The following DPY19L4 variants were observed in gnomAD, a reference collection of about 807,000 sequenced individuals.
DPY19L4 encodes the protein dpy-19 like 4.
In DPY19L4, 97 loss-of-function variants were observed where a neutral mutation model predicts 102.8. The observed-to-expected ratio is 0.94, with a 90% CI of 0.80 to 1.12. The LOEUF is 1.12. DPY19L4 is among the 50% of genes most tolerant of loss of function. The pLI is 0.00. For missense variants in DPY19L4, 815 were observed against 850.4 expected (o/e 0.96, Z 0.52); for synonymous variants, 252 against 283.1 (o/e 0.89, Z 1.10).
Position 94,765,731 on chromosome 8 carries a change from T to C in DPY19L4, c.1023T>C (p.Ser341=), listed in dbSNP as rs763651061. 1.2e-6 allele frequency: 2 copies of C among 1,602,268 alleles called. No individual in the cohort carries two copies. The highest frequency in any genetic ancestry group is 4.5e-5 in the East Asian group (2 of 44,690). ...CACAGCTGAATGTGAAGAAAGGAAG[T>C]TTTGTAGCTAAAATAATAAAAGTGA... ...KCLQLNVKKG[S]FVAKIIKVIN... Residue 341 remains serine, a synonymous_variant, in exon 10 of 19, where the codon AGT becomes AGC. Coordinates refer to ENST00000414645, the MANE Select transcript of DPY19L4 (RefSeq NM_181787.3).
At chr8:94,731,161 A>G (rs1280072847) in intron 2 of DPY19L4, among the ~76,000 whole-genome samples, 1 of 151,898 alleles carries the variant, frequency 6.6e-6, no homozygotes, top group Non-Finnish European at 1.5e-5. Context: ...TTAATTTGTC[A>G]TTGTCTAAGC....
intron 6 of DPY19L4, 59 bp downstream of exon 6, chr8:94,739,849 TC>T: frequency 6.3e-7 from 1 of 1,576,658 alleles, no homozygotes; most frequent in Non-Finnish European, 8.6e-7. Flanking sequence ...TAGTCAGAGT[TC>T]TGAAAATGCC....
At chr8:94,742,081 G>A (rs552028070) in intron 6 of DPY19L4, among the ~76,000 whole-genome samples, 12 of 152,228 alleles carry the variant, frequency 7.9e-5, no homozygotes, top group African/African-American at 2.6e-4. Flanking sequence ...TTTTATGGCC[G>A]GGTGCGGTGG....
chr8:94,723,255 G>A (rs1810548000), intron 1 of DPY19L4, among the ~76,000 whole-genome samples: 1 of 152,150 alleles, frequency 6.6e-6, no homozygotes, highest in Non-Finnish European at 1.5e-5. Context: ...GGCAAATCAC[G>A]AGGTCAGGAG....
chr8:94,742,769 C>G (rs1442514983), intron 6 of DPY19L4, among the ~76,000 whole-genome samples: 2 of 151,810 alleles, frequency 1.3e-5, no homozygotes, highest in Non-Finnish European at 2.9e-5. Flanking sequence ...CCATATTGGC[C>G]AGGCTGGTCT....
chr8:94,758,531 C>G (rs567518337), intron 7 of DPY19L4, among the ~76,000 whole-genome samples: 6 of 152,246 alleles, frequency 3.9e-5, no homozygotes, highest in African/African-American at 1.4e-4. Flanking sequence ...CTTCCTGTAA[C>G]CCAAACCTCT....
intron 6 of DPY19L4, among the ~76,000 whole-genome samples, chr8:94,747,047 T>G (rs975520305): frequency 4.0e-5 from 6 of 151,052 alleles, no homozygotes; most frequent in Non-Finnish European, 8.9e-5. Context: ...AGAACATTGG[T>G]TTTTTTTTGT....
At chr8:94,760,463 G>T (rs1249221036) in intron 7 of DPY19L4, among the ~76,000 whole-genome samples, 1 of 152,194 alleles carries the variant, frequency 6.6e-6, no homozygotes, top group Non-Finnish European at 1.5e-5. Flanking sequence ...TGCAGTTGGT[G>T]TTATTTGCCC....
chr8:94,740,671 G>A (rs551854180), intron 6 of DPY19L4, among the ~76,000 whole-genome samples: 1 of 152,188 alleles, frequency 6.6e-6, no homozygotes, highest in Non-Finnish European at 1.5e-5. Context: ...TGGTCAGGAT[G>A]GTCTCAATCT....
intron 18 of DPY19L4, among the ~76,000 whole-genome samples, 161 bp downstream of exon 18, chr8:94,788,213 AG>A (rs1305480544): frequency 2.6e-5 from 4 of 151,734 alleles, no homozygotes; most frequent in Admixed American, 6.6e-5. Context: ...AGTAGTTTGG[AG>A]TATTTTTTCA....
chr8:94,766,238 G>A (rs1563603139), intron 10 of DPY19L4, among the ~76,000 whole-genome samples: 1 of 151,926 alleles, frequency 6.6e-6, no homozygotes, highest in Non-Finnish European at 1.5e-5. Context: ...AGCTGGGCGT[G>A]GTGGCTTGCG....
intron 1 of DPY19L4, among the ~76,000 whole-genome samples, chr8:94,724,883 C>G (rs968464749): frequency 6.6e-6 from 1 of 152,156 alleles, no homozygotes; most frequent in African/African-American, 2.4e-5. Context: ...CCACCATACC[C>G]GGCCTAATAA....
chr8:94,734,827 A>G, intron 3 of DPY19L4, 73 bp downstream of exon 3: 2 of 1,591,180 alleles, frequency 1.3e-6, no homozygotes, highest in Non-Finnish European at 1.7e-6. Flanking sequence ...GATAAGTATG[A>G]CAAGTGCTGT....
chr8:94,779,796 C>T (rs1813350367), intron 14 of DPY19L4, among the ~76,000 whole-genome samples: 1 of 152,094 alleles, frequency 6.6e-6, no homozygotes, highest in South Asian at 2.1e-4. Flanking sequence ...ATGACTGGAT[C>T]ACAGGGTCAC....
chr8:94,734,357 C>T (rs1811103886), intron 2 of DPY19L4, among the ~76,000 whole-genome samples: 1 of 152,138 alleles, frequency 6.6e-6, no homozygotes, highest in Non-Finnish European at 1.5e-5. Context: ...CCCAGTATCC[C>T]ATCCACAATA....
intron 16 of DPY19L4, among the ~76,000 whole-genome samples, chr8:94,782,663 AT>A (rs149828183): frequency 0.019 from 2,822 of 152,314 alleles, 83 homozygotes; most frequent in African/African-American, 0.064. Context: ...GTTTCTAGAA[AT>A]TTAAAATTGG....
chr8:94,755,307 G>C (rs1812109979), intron 6 of DPY19L4, among the ~76,000 whole-genome samples: 1 of 151,644 alleles, frequency 6.6e-6, no homozygotes, highest in East Asian at 1.9e-4. Flanking sequence ...TTGTAAAGGG[G>C]AATAAGAACT....
In DPY19L4 at chr8:94,761,768, T is replaced by A; in HGVS notation, c.804T>A (p.Tyr268Ter). ...TFMMMWEYSHYLLFLQAISLF... is the reference protein window; with the variant it reads ...TFMMMWEYSH ...TGATGATGTGGGAGTATAGCCACTATCTCCTGTTTCTTCAAGCAATATCTC... is the reference window on the plus strand; with the variant it reads ...TGATGATGTGGGAGTATAGCCACTAACTCCTGTTTCTTCAAGCAATATCTC... Residue 268 changes from tyrosine (Y) to a stop codon, truncating the protein, a stop_gained, in exon 8 of 19, where the codon TAT becomes TAA. Transcript: ENST00000414645. LOFTEE classifies it high-confidence loss of function. The A allele has an allele frequency of 2.5e-6, 4 of 1,612,336 alleles. No individual in the cohort carries two copies. In the East Asian group the frequency reaches 6.7e-5, roughly 27 times the overall value.
At chr8:94,728,048 A>G (rs894996056) in intron 2 of DPY19L4, among the ~76,000 whole-genome samples, 1 of 151,452 alleles carries the variant, frequency 6.6e-6, no homozygotes, top group African/African-American at 2.4e-5. Context: ...TGCAACCTCC[A>G]TCTTCTGGGT....
Sources: allele counts gnomAD v4.1 joint callset (sites outside exome capture counted in the v4.1 genomes callset), GRCh38; gene constraint gnomAD v4.1.1; transcripts MANE v1.5; gene names NCBI Gene and HGNC (gene_info 2026-07-23, HGNC 2026-07-21).